LRRC4C: variants seen among roughly 807,000 people sequenced by gnomAD.
LRRC4C encodes leucine-rich repeat-containing protein 4C.
Under a neutral mutation model 33.6 loss-of-function variants are expected in LRRC4C, and 5 were observed. The observed-to-expected ratio is 0.15, with a 90% CI of 0.08 to 0.31. The LOEUF is 0.31. LRRC4C is among the 10% of genes least tolerant of loss of function. LRRC4C has a pLI of 1.00. For missense variants in LRRC4C, 560 were observed against 796.7 expected (o/e 0.70, Z 3.58); for synonymous variants, 329 against 302.0 (o/e 1.09, Z -0.93).
At chr11:41,255,437 G>A (rs1565522296) in intron 1 of LRRC4C, among the ~76,000 whole-genome samples, 1 of 151,998 alleles carries the variant, frequency 6.6e-6, no homozygotes, top group Non-Finnish European at 1.5e-5. Flanking sequence ...ACTGATCTTG[G>A]TTTATTTATC....
chr11:40,513,913 A>G (rs1255777710), intron 3 of LRRC4C, among the ~76,000 whole-genome samples: 1 of 152,192 alleles, frequency 6.6e-6, no homozygotes, highest in Non-Finnish European at 1.5e-5. Flanking sequence ...AATGAAGTAA[A>G]GTATATCTTA....
At chr11:41,167,837 T>C (rs1431328124) in intron 1 of LRRC4C, among the ~76,000 whole-genome samples, 1 of 152,118 alleles carries the variant, frequency 6.6e-6, no homozygotes, top group Non-Finnish European at 1.5e-5. Context: ...AAATAAACAC[T>C]AATTATGTAC....
chr11:41,087,951 T>G (rs1333153566), intron 1 of LRRC4C, among the ~76,000 whole-genome samples: 5 of 152,144 alleles, frequency 3.3e-5, no homozygotes, highest in African/African-American at 1.2e-4. Context: ...AACAAATAAG[T>G]GAATGACTTA....
At chr11:41,010,109 A>G (rs1397539849) in intron 1 of LRRC4C, among the ~76,000 whole-genome samples, 2 of 152,156 alleles carry the variant, frequency 1.3e-5, no homozygotes, top group African/African-American at 4.8e-5. Flanking sequence ...TGTTCCCCAA[A>G]GCTGTCAGAG....
chr11:40,847,008 T>C lies in LRRC4C; in HGVS notation c.-407+86627A>G, dbSNP rs192223173. 1.8e-3 allele frequency among the ~76,000 whole-genome samples: 267 copies of C among 152,310 alleles called. 1 individual carries two copies. Among genetic ancestry groups the C allele is most frequent in the African/African-American group, 5.8e-3 (243 of 41,572 alleles). ...TTTTTGCACATTGATTTTTGTATCCTGAGACTTTGCTGAAGTTGCTTATCG... is the reference window on the plus strand; with the variant it reads ...TTTTTGCACATTGATTTTTGTATCCCGAGACTTTGCTGAAGTTGCTTATCG... On this transcript the variant is annotated intron_variant, in intron 2 of 6. Transcript: ENST00000528697.
At chr11:41,166,147 G>A (rs1944716538) in intron 1 of LRRC4C, among the ~76,000 whole-genome samples, 1 of 151,402 alleles carries the variant, frequency 6.6e-6, no homozygotes, top group African/African-American at 2.4e-5. Flanking sequence ...AAAGCATAAT[G>A]ATAGTCTTTA....
At chr11:41,011,838 T>TATATTATATTATATA (rs1855214926) in intron 1 of LRRC4C, among the ~76,000 whole-genome samples, 1 of 147,688 alleles carries the variant, frequency 6.8e-6, no homozygotes, top group Non-Finnish European at 1.5e-5. Flanking sequence ...TATATTATAT[T>TATATTATATTATATA]ATATTATATT....
intron 1 of LRRC4C, among the ~76,000 whole-genome samples, chr11:41,408,753 A>G (rs1049596500): frequency 1.3e-5 from 2 of 148,682 alleles, no homozygotes; most frequent in South Asian, 2.1e-4. Flanking sequence ...TTTGTAAAAA[A>G]AAAAAAAAAA....
intron 6 of LRRC4C, among the ~76,000 whole-genome samples, chr11:40,128,041 CA>C (rs1856382445): frequency 6.6e-6 from 1 of 151,742 alleles, no homozygotes; most frequent in Admixed American, 6.6e-5. Context: ...TAAGACCCAG[CA>C]AAACAAAAAC....
chr11:40,751,566 A>G (rs1384184483), intron 2 of LRRC4C, among the ~76,000 whole-genome samples: 1 of 152,142 alleles, frequency 6.6e-6, no homozygotes, highest in East Asian at 1.9e-4. Flanking sequence ...CAATCCATAC[A>G]AGGAAAACTA....
intron 3 of LRRC4C, among the ~76,000 whole-genome samples, chr11:40,588,215 G>A (rs1348668482): frequency 6.6e-6 from 1 of 150,970 alleles, no homozygotes; most frequent in Non-Finnish European, 1.5e-5. Flanking sequence ...GAGAGTGTAT[G>A]TGTCCAGGAA....
chr11:41,050,589 A>G (rs1858130415), intron 1 of LRRC4C, among the ~76,000 whole-genome samples: 1 of 152,124 alleles, frequency 6.6e-6, no homozygotes, highest in African/African-American at 2.4e-5. Flanking sequence ...GATGGTTTCC[A>G]GCTTCATCCT....
chr11:40,759,907 G>A (rs1336234699), intron 2 of LRRC4C, among the ~76,000 whole-genome samples: 3 of 140,312 alleles, frequency 2.1e-5, no homozygotes, highest in Non-Finnish European at 4.7e-5. Flanking sequence ...AAAAAATAGA[G>A]AAAAAGGTAA....
At chr11:40,258,858 G>A (rs1450280684) in intron 4 of LRRC4C, among the ~76,000 whole-genome samples, 2 of 152,022 alleles carry the variant, frequency 1.3e-5, no homozygotes, top group African/African-American at 4.8e-5. Context: ...ATAAACCAAC[G>A]GATCTAGAAA....
chr11:41,317,738 T>A (rs927328987), intron 1 of LRRC4C, among the ~76,000 whole-genome samples: 1 of 152,048 alleles, frequency 6.6e-6, no homozygotes, highest in African/African-American at 2.4e-5. Context: ...GTTTGAGGGA[T>A]TTTTCCTCTA....
intron 6 of LRRC4C, among the ~76,000 whole-genome samples, chr11:40,139,076 A>G (rs924656154): frequency 6.6e-6 from 1 of 152,204 alleles, no homozygotes; most frequent in Non-Finnish European, 1.5e-5. Context: ...ACTAAGTCCA[A>G]ATTACTTCCT....
intron 3 of LRRC4C, among the ~76,000 whole-genome samples, chr11:40,595,160 T>A: frequency 6.6e-6 from 1 of 151,860 alleles, no homozygotes; most frequent in Non-Finnish European, 1.5e-5. Flanking sequence ...TTTATGGTGC[T>A]CAAAAAAAGA....
At chr11:40,146,630 C>T (rs557158281) in intron 5 of LRRC4C, among the ~76,000 whole-genome samples, 2 of 152,270 alleles carry the variant, frequency 1.3e-5, no homozygotes, top group South Asian at 2.1e-4. Flanking sequence ...GTGTTCCTGA[C>T]GGAATGGCTT....
At chr11:40,489,130 C>A (rs1163957001) in intron 3 of LRRC4C, among the ~76,000 whole-genome samples, 1 of 152,038 alleles carries the variant, frequency 6.6e-6, no homozygotes, top group Admixed American at 6.6e-5. Flanking sequence ...TGTCAAATCC[C>A]ACTTCATTAT....
Sources: gnomAD v4.1 joint callset for allele counts (sites outside exome capture counted in the v4.1 genomes callset) on GRCh38, gnomAD v4.1.1 for gene constraint, MANE v1.5 for transcripts, NCBI Gene and HGNC (gene_info 2026-07-23, HGNC 2026-07-21) for gene names.